FOXN3: variants seen among roughly 807,000 people sequenced by gnomAD.
FOXN3 encodes the protein forkhead box protein N3.
In FOXN3, 7 loss-of-function variants were observed where a neutral mutation model predicts 38.4. That is an observed-to-expected ratio of 0.18 (90% CI 0.10 to 0.34). FOXN3 has a LOEUF of 0.34. Among genes scored for constraint, FOXN3 ranks in the 10% least tolerant of loss-of-function variants. The pLI is 1.00. For synonymous variants in FOXN3, 230 were observed against 242.2 expected, an observed-to-expected ratio of 0.95 and a Z score of 0.47; for missense variants, 456 against 613.4, an observed-to-expected ratio of 0.74 and a Z score of 2.71.
chr14:89,185,094 C>T (rs562051542), intron 4 of FOXN3, among the ~76,000 whole-genome samples: 1 of 152,312 alleles, frequency 6.6e-6, no homozygotes, highest in East Asian at 1.9e-4. Flanking sequence ...CTCAGCTCTT[C>T]CTCTGAATCC....
chr14:89,237,491 C>G (rs188780165), intron 4 of FOXN3, among the ~76,000 whole-genome samples: 2 of 151,916 alleles, frequency 1.3e-5, no homozygotes, highest in Admixed American at 1.3e-4. Context: ...AAGCATTTAT[C>G]ATCGTAAATG....
chr14:89,415,492 G>A (rs924923593), intron 1 of FOXN3, among the ~76,000 whole-genome samples: 8 of 150,304 alleles, frequency 5.3e-5, no homozygotes, highest in Non-Finnish European at 1.2e-4. Context: ...CTGGGACCCC[G>A]TACTCTCCAA....
intron 4 of FOXN3, among the ~76,000 whole-genome samples, chr14:89,260,996 C>T (rs969413276): frequency 2.0e-5 from 3 of 152,188 alleles, no homozygotes; most frequent in Non-Finnish European, 4.4e-5. Flanking sequence ...GCTCAGTCTG[C>T]TACCTGTGTT....
At chr14:89,422,840 G>A (rs1035863827) in intron 1 of FOXN3, among the ~76,000 whole-genome samples, 1 of 152,214 alleles carries the variant, frequency 6.6e-6, no homozygotes, top group Admixed American at 6.5e-5. Flanking sequence ...GAAGCAGGGT[G>A]TGTAGTAAGG....
intron 2 of FOXN3, among the ~76,000 whole-genome samples, chr14:89,386,057 A>G (rs1204100518): frequency 2.0e-5 from 3 of 152,098 alleles, no homozygotes; most frequent in East Asian, 3.8e-4. Flanking sequence ...GCTTTTGTCA[A>G]CTCAGCAAGT....
chr14:89,588,813 T>C (rs1386408041), intron 1 of FOXN3, among the ~76,000 whole-genome samples: 1 of 152,328 alleles, frequency 6.6e-6, no homozygotes. Context: ...AGGCGTTAGA[T>C]ACCCAGGGGC....
intron 1 of FOXN3, among the ~76,000 whole-genome samples, chr14:89,414,102 C>T (rs1044258700): frequency 6.6e-6 from 1 of 151,992 alleles, no homozygotes; most frequent in Non-Finnish European, 1.5e-5. Context: ...ATCCCTTGAG[C>T]TCAGAAGTTC....
At chr14:89,449,233 C>G (rs1481897066) in intron 1 of FOXN3, among the ~76,000 whole-genome samples, 1 of 152,210 alleles carries the variant, frequency 6.6e-6, no homozygotes, top group Non-Finnish European at 1.5e-5. Context: ...TTCCCCATAC[C>G]TAAGTTTCTG....
intron 2 of FOXN3, among the ~76,000 whole-genome samples, chr14:89,380,700 G>A (rs190332519): frequency 9.2e-5 from 14 of 152,316 alleles, no homozygotes; most frequent in South Asian, 8.3e-4. Flanking sequence ...TATAAAGAGC[G>A]GAGGCAATGA....
chr14:89,293,586 T>C (rs1363241474), intron 3 of FOXN3, among the ~76,000 whole-genome samples: 1 of 152,104 alleles, frequency 6.6e-6, no homozygotes, highest in Non-Finnish European at 1.5e-5. Context: ...CCACCTTTTC[T>C]AAGGACAACG....
chr14:89,563,976 A>C lies in FOXN3; in HGVS notation c.-15+55052T>G, dbSNP rs952480408. ...GCAATTCTCCTGCCTCAGTCTCCCA[A>C]ATAGCTGGGATTACAGGCGCCTGCC... On this transcript the variant is annotated intron_variant, in intron 1 of 6. Coordinates refer to the FOXN3 transcript ENST00000345097. 2.0e-5 allele frequency among the ~76,000 whole-genome samples: 3 copies of C among 152,190 alleles called. No individual in the cohort carries two copies. The South Asian group carries it at 6.2e-4, about 32-fold the overall frequency.
intron 4 of FOXN3, among the ~76,000 whole-genome samples, chr14:89,280,285 C>T (rs1309886394): frequency 6.6e-6 from 1 of 152,194 alleles, no homozygotes; most frequent in Non-Finnish European, 1.5e-5. Context: ...TTAACTTTGG[C>T]CATTTCAAAA....
rs1196725812 is a variant in FOXN3, at chr14:89,381,434, C to T, written c.543+30500G>A. ...GTGACATAACCATAAGAGCCCTCTC[C>T]AACTAATTCTAACATTGCCCGACAT... On this transcript the variant is annotated intron_variant, in intron 2 of 5. Transcript: ENST00000557258. 4.1e-5 allele frequency among the ~76,000 whole-genome samples: 6 copies of T among 146,778 alleles called. No individual in the cohort carries two copies. In the East Asian group the frequency reaches 1.2e-3, roughly 30 times the overall value.
At chr14:89,372,100 T>G (rs148964401) in intron 2 of FOXN3, among the ~76,000 whole-genome samples, 2 of 152,144 alleles carry the variant, frequency 1.3e-5, no homozygotes, top group African/African-American at 4.8e-5. Flanking sequence ...AAAAACGGAA[T>G]TGATTATCCC....
chr14:89,261,825 G>A (rs1748150473), intron 4 of FOXN3, among the ~76,000 whole-genome samples: 1 of 152,228 alleles, frequency 6.6e-6, no homozygotes, highest in Non-Finnish European at 1.5e-5. Context: ...CTAGTCGGGA[G>A]GCTGAGGCAG....
At chr14:89,508,995 C>T (rs1042041699) in intron 1 of FOXN3, among the ~76,000 whole-genome samples, 1 of 152,164 alleles carries the variant, frequency 6.6e-6, no homozygotes, top group East Asian at 1.9e-4. Context: ...GACACCCTCC[C>T]ACCAGTTTTA....
intron 1 of FOXN3, among the ~76,000 whole-genome samples, chr14:89,478,664 G>T (rs1267982444): frequency 6.6e-6 from 1 of 151,984 alleles, no homozygotes; most frequent in Non-Finnish European, 1.5e-5. Flanking sequence ...GAGCACAGTG[G>T]CTCACGTGTA....
At chr14:89,567,765 C>T (rs1296874028) in intron 1 of FOXN3, among the ~76,000 whole-genome samples, 2 of 148,140 alleles carry the variant, frequency 1.4e-5, no homozygotes, top group East Asian at 2.0e-4. Flanking sequence ...CTCTGTCTCC[C>T]AGGCTGGAGT....
intron 1 of FOXN3, among the ~76,000 whole-genome samples, chr14:89,455,114 C>T (rs901524624): frequency 2.0e-5 from 3 of 152,190 alleles, no homozygotes; most frequent in African/African-American, 4.8e-5. Context: ...GCTTTCTTCC[C>T]GCATTCCAGT....
Sources: allele counts gnomAD v4.1 joint callset (sites outside exome capture counted in the v4.1 genomes callset), GRCh38; gene constraint gnomAD v4.1.1; transcripts MANE v1.5; gene names NCBI Gene and HGNC (gene_info 2026-07-23, HGNC 2026-07-21).